The following JMJD1C variants were observed in gnomAD, a reference collection of about 807,000 sequenced individuals.
JMJD1C encodes the protein jumonji domain containing 1C.
Under a neutral mutation model 245.3 loss-of-function variants are expected in JMJD1C, and 31 were observed. That is an observed-to-expected ratio of 0.13 (90% CI 0.09 to 0.17). The LOEUF (loss-of-function observed/expected upper bound fraction) is 0.17. Among genes scored for constraint, JMJD1C ranks in the 10% least tolerant of loss-of-function variants. The pLI, the probability that JMJD1C is intolerant of heterozygous loss-of-function variation, is 1.00. For missense variants in JMJD1C, 2,691 were observed against 3,000.2 expected (o/e 0.90, Z 2.41); for synonymous variants, 1,057 against 1,017.4 (o/e 1.04, Z -0.74).
At chr10:63,477,123 A>G (rs1054824450) in intron 1 of JMJD1C, among the ~76,000 whole-genome samples, 1 of 152,162 alleles carries the variant, frequency 6.6e-6, no homozygotes, top group Non-Finnish European at 1.5e-5. Flanking sequence ...ATCAGTATTA[A>G]TAATATTCTA....
At chr10:63,506,942 A>T (rs1327626396) in intron 1 of JMJD1C, among the ~76,000 whole-genome samples, 1 of 152,028 alleles carries the variant, frequency 6.6e-6, no homozygotes, top group Non-Finnish European at 1.5e-5. Context: ...CTCCCCTGTA[A>T]CCCATAATAA....
chr10:63,439,762 T>TA (rs575911130), intron 1 of JMJD1C, among the ~76,000 whole-genome samples: 1 of 152,224 alleles, frequency 6.6e-6, no homozygotes, highest in African/African-American at 2.4e-5. Context: ...ATGTAGATCA[T>TA]AAAAAAGTCA....
At chr10:63,361,297 C>T (rs192613843) in intron 2 of JMJD1C, among the ~76,000 whole-genome samples, 1 of 152,110 alleles carries the variant, frequency 6.6e-6, no homozygotes, top group Non-Finnish European at 1.5e-5. Flanking sequence ...GTGGCGCATG[C>T]CCGTAATCCC....
intron 3 of JMJD1C, among the ~76,000 whole-genome samples, chr10:63,223,383 A>G (rs886651931): frequency 3.9e-5 from 6 of 151,958 alleles, no homozygotes; most frequent in African/African-American, 1.4e-4. Flanking sequence ...GCATACCACC[A>G]TGCACAACTA....
intron 22 of JMJD1C, among the ~76,000 whole-genome samples, chr10:63,180,830 G>A (rs1377213290): frequency 1.3e-5 from 2 of 150,290 alleles, no homozygotes; most frequent in African/African-American, 2.5e-5. Flanking sequence ...GTGCAGTGGC[G>A]GGATCTCGGC....
At chr10:63,350,903 G>A (rs1589553232) in intron 2 of JMJD1C, among the ~76,000 whole-genome samples, 3 of 152,078 alleles carry the variant, frequency 2.0e-5, no homozygotes, top group East Asian at 3.9e-4. Context: ...ACAGGCGTGA[G>A]CCACCGCACC....
intron 2 of JMJD1C, among the ~76,000 whole-genome samples, chr10:63,290,225 A>G (rs900478080): frequency 1.3e-5 from 2 of 152,178 alleles, no homozygotes; most frequent in Non-Finnish European, 2.9e-5. Flanking sequence ...TTAGACTTCT[A>G]GGGAACTCTG....
At chr10:63,464,636 C>G (rs1340762273) in intron 1 of JMJD1C, among the ~76,000 whole-genome samples, 1 of 151,120 alleles carries the variant, frequency 6.6e-6, no homozygotes, top group Non-Finnish European at 1.5e-5. Flanking sequence ...TATTACAGCT[C>G]AATATCATGC....
At chr10:63,512,176 G>A (rs917451650) in intron 1 of JMJD1C, among the ~76,000 whole-genome samples, 1 of 152,000 alleles carries the variant, frequency 6.6e-6, no homozygotes, top group Non-Finnish European at 1.5e-5. Flanking sequence ...TCGAATACAT[G>A]GTCACTATTA....
In JMJD1C at chr10:63,198,843, TAA is replaced by T. The variant is rs1453638669; in HGVS notation, c.5277-118_5277-117del. On this transcript the variant is annotated intron_variant, in intron 11 of 25. Coordinates refer to ENST00000399262, the MANE Select transcript of JMJD1C (RefSeq NM_032776.3). ...TTGCATTATAAAATATGAATTACAT[TAA>T]AAACAGGAAAACAGGTTAATTCTTC... 9 of 560,842 alleles carry T rather than the reference TAA, an allele frequency of 1.6e-5. No homozygotes were observed. The Admixed American group carries it at 2.9e-4, about 18-fold the overall frequency. The allele number at this position is 560,842 out of a possible 1,614,324, so 34.7% of individuals were successfully genotyped here.
intron 1 of JMJD1C, among the ~76,000 whole-genome samples, chr10:63,422,454 T>C (rs746402253): frequency 3.3e-5 from 5 of 152,192 alleles, no homozygotes; most frequent in Non-Finnish European, 7.3e-5. Flanking sequence ...CATGTTAATA[T>C]GGCAAATAAT....
At chr10:63,453,590 C>T (rs1952207913) in intron 1 of JMJD1C, among the ~76,000 whole-genome samples, 1 of 152,056 alleles carries the variant, frequency 6.6e-6, no homozygotes, top group African/African-American at 2.4e-5. Flanking sequence ...ATTTCTTAAG[C>T]TGAAACAAAG....
intron 1 of JMJD1C, among the ~76,000 whole-genome samples, chr10:63,404,216 A>G (rs544493077): frequency 1.3e-5 from 2 of 152,352 alleles, no homozygotes; most frequent in East Asian, 1.9e-4. Context: ...GAAACGTTAA[A>G]AAGAGTAAGG....
At chr10:63,419,387 G>C (rs573816124) in intron 1 of JMJD1C, among the ~76,000 whole-genome samples, 1 of 151,384 alleles carries the variant, frequency 6.6e-6, no homozygotes, top group African/African-American at 2.4e-5. Context: ...ACTCTGTCTC[G>C]AAAAAAAATA....
At chr10:63,398,448 A>T (rs1294160539) in intron 1 of JMJD1C, among the ~76,000 whole-genome samples, 1 of 152,154 alleles carries the variant, frequency 6.6e-6, no homozygotes, top group Non-Finnish European at 1.5e-5. Flanking sequence ...GTATTAATCA[A>T]ATTCAAGGTT....
rs567520058 is a variant in JMJD1C, at chr10:63,233,266, T to C, written c.448-13283A>G. On this transcript the variant is annotated intron_variant, in intron 3 of 25. Transcript: ENST00000399262. ...TAAAATATGCTCAACTGAGCACCAC[T>C]GTTTTCAAACTCTTCACAGCATATT... is the stretch of plus-strand genomic sequence containing the variant. 2.0e-5 allele frequency among the ~76,000 whole-genome samples: 3 copies of C among 152,314 alleles called. 1 individual carries two copies. The highest frequency in any genetic ancestry group is 4.1e-4 in the South Asian group (2 of 4,830).
chr10:63,357,826 G>GACACAGACAC (rs1944982740), intron 2 of JMJD1C, among the ~76,000 whole-genome samples: 2 of 140,436 alleles, frequency 1.4e-5, no homozygotes, highest in East Asian at 4.3e-4. Flanking sequence ...CAGACAGACA[G>GACACAGACAC]ACACACACAC....
intron 3 of JMJD1C, among the ~76,000 whole-genome samples, chr10:63,241,165 G>A (rs1445383811): frequency 1.3e-5 from 2 of 152,178 alleles, no homozygotes. Flanking sequence ...CAGTGTGTGG[G>A]ATCTGCTTTG....
intron 1 of JMJD1C, among the ~76,000 whole-genome samples, chr10:63,452,317 T>A (rs1952120699): frequency 1.3e-5 from 2 of 152,296 alleles, no homozygotes; most frequent in African/African-American, 4.8e-5. Flanking sequence ...ATACACAAAT[T>A]GTGAACATGC....
Sources: gnomAD v4.1 joint callset for allele counts (sites outside exome capture counted in the v4.1 genomes callset) on GRCh38, gnomAD v4.1.1 for gene constraint, MANE v1.5 for transcripts, NCBI Gene and HGNC (gene_info 2026-07-23, HGNC 2026-07-21) for gene names.